The following ADAMTSL1 variants were observed in gnomAD, a reference collection of about 807,000 sequenced individuals.
ADAMTSL1 encodes ADAMTS like 1, also known as ADAMTS-like protein 1.
In ADAMTSL1, 126 loss-of-function variants were observed where a neutral mutation model predicts 201.8. The observed-to-expected ratio is 0.62, with a 90% CI of 0.54 to 0.72. The LOEUF is 0.72. Ranked by LOEUF, ADAMTSL1 falls within the 30% of genes least tolerant of loss-of-function variation. ADAMTSL1 has a pLI of 0.00. For synonymous variants in ADAMTSL1, 1,121 were observed against 903.4 expected (o/e 1.24, Z -4.32); for missense variants, 2,679 against 2,277.8 (o/e 1.18, Z -3.59).
intron 1 of ADAMTSL1, among the ~76,000 whole-genome samples, chr9:17,922,401 T>C (rs1826341271): frequency 6.6e-6 from 1 of 152,164 alleles, no homozygotes; most frequent in South Asian, 2.1e-4. Context: ...CACTGAAGAA[T>C]AGATCTGTGC....
intron 2 of ADAMTSL1, among the ~76,000 whole-genome samples, chr9:18,170,582 C>A (rs1194311216): frequency 6.6e-6 from 1 of 151,850 alleles, no homozygotes; most frequent in Non-Finnish European, 1.5e-5. Flanking sequence ...ACACGTGAAG[C>A]CTATGGGACC....
In ADAMTSL1 at chr9:18,826,356, G is replaced by A; in HGVS notation, c.4007G>A (p.Gly1336Asp). Residue 1336 changes from glycine (G) to aspartate (D), a missense_variant, in exon 22 of 29, where the codon GGC becomes GAC. Coordinates refer to ENST00000380548, the MANE Select transcript of ADAMTSL1 (RefSeq NM_001040272.6). ...GGCTCCCCGCACCATCTGCACGAAG[G>A]CTCCTTGCTGCTCACAAACGTGTCC... is the stretch of plus-strand genomic sequence containing the variant. Reference protein sequence around the residue: ...KLGSPHHLHEGSLLLTNVSSS... With the variant: ...KLGSPHHLHEDSLLLTNVSSS... 2.5e-6 allele frequency: 4 copies of A among 1,613,550 alleles called. No homozygotes were observed. Among genetic ancestry groups the A allele is most frequent in the Non-Finnish European group, 3.4e-6 (4 of 1,179,800 alleles).
chr9:18,385,594 C>G (rs1266664989), intron 2 of ADAMTSL1, among the ~76,000 whole-genome samples: 1 of 152,106 alleles, frequency 6.6e-6, no homozygotes, highest in African/African-American at 2.4e-5. Context: ...TTTGCAATAC[C>G]TTTTCCATAC....
intron 1 of ADAMTSL1, among the ~76,000 whole-genome samples, chr9:18,138,392 T>C (rs1773803315): frequency 6.6e-6 from 1 of 152,152 alleles, no homozygotes; most frequent in Admixed American, 6.6e-5. Context: ...AGCTAAGGAT[T>C]TTAAGGCAGA....
chr9:18,530,567 A>G (rs1819381647), intron 2 of ADAMTSL1, among the ~76,000 whole-genome samples: 1 of 152,174 alleles, frequency 6.6e-6, no homozygotes, highest in South Asian at 2.1e-4. Context: ...CTGTTTGAAA[A>G]TCTGCAGGCA....
chr9:18,029,842 A>G (rs988894753), intron 1 of ADAMTSL1, among the ~76,000 whole-genome samples: 16 of 152,224 alleles, frequency 1.1e-4, no homozygotes, highest in Admixed American at 8.5e-4. Flanking sequence ...CAAAACCACA[A>G]TGAGATACCA....
At chr9:18,151,405 C>T (rs1242953526) in intron 1 of ADAMTSL1, among the ~76,000 whole-genome samples, 1 of 151,964 alleles carries the variant, frequency 6.6e-6, no homozygotes, top group Non-Finnish European at 1.5e-5. Context: ...TCTCAGAATT[C>T]CTCTAAATTT....
intron 2 of ADAMTSL1, among the ~76,000 whole-genome samples, chr9:18,189,677 A>G (rs369466196): frequency 6.6e-6 from 1 of 152,174 alleles, no homozygotes; most frequent in East Asian, 1.9e-4. Flanking sequence ...AAAGCCTGAT[A>G]GCAACTAATT....
At chr9:18,213,192 TA>T (rs1478653499) in intron 2 of ADAMTSL1, among the ~76,000 whole-genome samples, 2 of 152,204 alleles carry the variant, frequency 1.3e-5, no homozygotes, top group African/African-American at 4.8e-5. Context: ...GGAATTTATT[TA>T]ATATCTTTTT....
At chr9:18,865,261 A>C (rs527616542) in intron 23 of ADAMTSL1, among the ~76,000 whole-genome samples, 1 of 151,972 alleles carries the variant, frequency 6.6e-6, no homozygotes. Flanking sequence ...TCATTGTTCA[A>C]TTCCCACCTA....
intron 1 of ADAMTSL1, among the ~76,000 whole-genome samples, chr9:18,126,257 A>T (rs1450643802): frequency 6.6e-6 from 1 of 152,244 alleles, no homozygotes; most frequent in Non-Finnish European, 1.5e-5. Context: ...CACCGTGAAC[A>T]TGTTTGTGTA....
chr9:18,086,862 G>C (rs1316225966), intron 1 of ADAMTSL1, among the ~76,000 whole-genome samples: 1 of 152,112 alleles, frequency 6.6e-6, no homozygotes, highest in Non-Finnish European at 1.5e-5. Context: ...TATTTCAAGT[G>C]CTTTGAAAAC....
rs113394706 is a variant in ADAMTSL1, at chr9:18,717,865, A to C, written c.1877-3671A>C. The C allele has an allele frequency of 3.8e-6, 3 of 781,956 alleles. 1 individual carries two copies. In the African/African-American group the frequency reaches 5.1e-5, roughly 13 times the overall value. 48.4% of individuals were successfully genotyped at this position (781,956 alleles called of 1,614,324 possible). ...TGCTCTTAAAGGGTACCACCACAGG[A>C]AAGTCCATTTAAGATGCTGGTAGGT... On this transcript the variant is annotated intron_variant, in intron 14 of 28. Transcript: ENST00000380548.
chr9:18,644,348 G>C (rs538968379), intron 7 of ADAMTSL1, among the ~76,000 whole-genome samples: 1 of 151,470 alleles, frequency 6.6e-6, no homozygotes, highest in African/African-American at 2.4e-5. Context: ...ATGGCCACTT[G>C]TCAGTATCTC....
chr9:18,311,769 G>C (rs1023455599), intron 2 of ADAMTSL1, among the ~76,000 whole-genome samples: 1 of 152,148 alleles, frequency 6.6e-6, no homozygotes, highest in African/African-American at 2.4e-5. Context: ...CAGTTCAGTG[G>C]GGGAGATTGA....
intron 1 of ADAMTSL1, among the ~76,000 whole-genome samples, chr9:18,086,992 T>C (rs1209413198): frequency 1.3e-5 from 2 of 152,224 alleles, no homozygotes; most frequent in Admixed American, 6.5e-5. Context: ...TATAACTCTG[T>C]AATCAACTCT....
intron 4 of ADAMTSL1, among the ~76,000 whole-genome samples, chr9:18,609,205 C>G (rs1352862774): frequency 1.3e-5 from 2 of 152,168 alleles, no homozygotes; most frequent in African/African-American, 2.4e-5. Flanking sequence ...TGAATTAACT[C>G]TGAAAAATCA....
chr9:18,494,239 C>T (rs1387668203), intron 1 of ADAMTSL1, among the ~76,000 whole-genome samples: 1 of 151,824 alleles, frequency 6.6e-6, no homozygotes, highest in Non-Finnish European at 1.5e-5. Context: ...GCCTGTAATC[C>T]CAACTACTCA....
At chr9:18,322,575 G>T (rs1834667947) in intron 2 of ADAMTSL1, among the ~76,000 whole-genome samples, 1 of 152,178 alleles carries the variant, frequency 6.6e-6, no homozygotes, top group Non-Finnish European at 1.5e-5. Context: ...AGAGGTTGCA[G>T]TGAGCCGAGA....
Sources: gnomAD v4.1 joint callset for allele counts (sites outside exome capture counted in the v4.1 genomes callset) on GRCh38, gnomAD v4.1.1 for gene constraint, MANE v1.5 for transcripts, NCBI Gene and HGNC (gene_info 2026-07-23, HGNC 2026-07-21) for gene names.